Variants in EPHX2 observed in about 807,000 individuals in gnomAD.
The protein encoded by EPHX2 is bifunctional epoxide hydrolase 2.
Under a neutral mutation model 78.7 loss-of-function variants are expected in EPHX2, and 74 were observed. The observed-to-expected ratio is 0.94, with a 90% CI of 0.78 to 1.14. The LOEUF (loss-of-function observed/expected upper bound fraction) is 1.14, where lower values mean the gene tolerates loss of function less well. EPHX2 is among the 50% of genes most tolerant of loss of function. The pLI is 0.00. For synonymous variants in EPHX2, 251 were observed against 255.2 expected (o/e 0.98, Z 0.16); for missense variants, 715 against 702.5 (o/e 1.02, Z -0.20).
At chr8:27,517,245 T>C (rs532163789) in intron 8 of EPHX2, among the ~76,000 whole-genome samples, 60 of 152,320 alleles carry the variant, frequency 3.9e-4, no homozygotes, top group African/African-American at 3.6e-4. Flanking sequence ...TGTTAAAATA[T>C]TGTTATTGTT....
chr8:27,544,038 A>G (rs1815502144), intron 17 of EPHX2, 148 bp from the exon 18 acceptor site: 4 of 1,063,300 alleles, frequency 3.8e-6, no homozygotes, highest in Admixed American at 3.9e-5. Context: ...GGTCTCATTC[A>G]TTCATTATTC....
In EPHX2 at chr8:27,543,324, A is replaced by C. The variant is rs191998242; in HGVS notation, c.1450-425A>C. ...CCTCCCTGTGTTCAACTCATTTGCC[A>C]GCAATTGGAAGTTACTTTGCTGCCA... On this transcript the variant is annotated intron_variant, in intron 16 of 18. Transcript: ENST00000521400. Among the ~76,000 whole-genome samples, 9 of 152,266 alleles carry C rather than the reference A, an allele frequency of 5.9e-5. No individual in the cohort carries two copies. The East Asian group carries it at 1.7e-3, about 29-fold the overall frequency.
chr8:27,505,935 T>A (rs1410732336), intron 4 of EPHX2, among the ~76,000 whole-genome samples: 1 of 152,214 alleles, frequency 6.6e-6, no homozygotes. Context: ...CACCCATGCT[T>A]TCTATGACTT....
In EPHX2 at chr8:27,504,954, A is replaced by G. The variant is rs1813940268; in HGVS notation, c.347-2A>G. 2.5e-6 allele frequency: 4 copies of G among 1,613,790 alleles called. No homozygotes were observed. The highest frequency in any genetic ancestry group is 3.4e-6 in the Non-Finnish European group (4 of 1,180,022). ...TCTATCTACTGGTGGCTTTTTGCTC[A>G]GGATTCACTACTGCCATCCTCACCA... On this transcript the variant is annotated splice_acceptor_variant, in intron 3 of 18. Coordinates refer to ENST00000521400, the MANE Select transcript of EPHX2 (RefSeq NM_001979.6). LOFTEE classifies it high-confidence loss of function.
chr8:27,522,355 G>A (rs2132759161), intron 10 of EPHX2, 68 bp from the exon 11 acceptor site: 3 of 1,527,536 alleles, frequency 2.0e-6, no homozygotes, highest in Admixed American at 1.7e-5. Context: ...CTGGCTGATG[G>A]CCGAACCTCT....
At chr8:27,525,802 G>A (rs985278945) in intron 12 of EPHX2, among the ~76,000 whole-genome samples, 1 of 152,140 alleles carries the variant, frequency 6.6e-6, no homozygotes, top group Non-Finnish European at 1.5e-5. Context: ...CTGAAAGGCT[G>A]GTGATTATGG....
intron 2 of EPHX2, among the ~76,000 whole-genome samples, chr8:27,502,518 A>G (rs1404482614): frequency 6.6e-6 from 1 of 152,254 alleles, no homozygotes; most frequent in Non-Finnish European, 1.5e-5. Flanking sequence ...GACTGAAACA[A>G]CAGACATTTA....
At chr8:27,507,135 C>T (rs1257995979) in intron 5 of EPHX2, 141 bp downstream of exon 5, 2 of 1,061,266 alleles carry the variant, frequency 1.9e-6, no homozygotes, top group Non-Finnish European at 2.7e-6. Context: ...GTCCATCACC[C>T]ACTGTGCAGT....
Position 27,541,460 on chromosome 8 carries a change from G to A in EPHX2, c.1380-13G>A, listed in dbSNP as rs749057363. On this transcript the variant is annotated splice_polypyrimidine_tract_variant and intron_variant, in intron 15 of 18. Transcript: ENST00000521400. The stretch of plus-strand genomic sequence containing the variant: ...TACTGCCTCCCTCTTTTTACTTTCT[G>A]ATCTCTCCCCAGAGGTCCTCTAAAC... 1.2e-4 allele frequency: 195 copies of A among 1,613,970 alleles called. 2 individuals carry two copies. In the South Asian group the frequency reaches 2.1e-3, roughly 17 times the overall value.
In EPHX2 at chr8:27,525,105, T is replaced by TGC. The variant is rs1345689668; in HGVS notation, c.1059-256_1059-255insCG. ...GTGTGTGTGTGTGTGTGTGTGTGTG[T>TGC]GTGCGCGCGCGCGCGCGCACCTATG... On this transcript the variant is annotated intron_variant, in intron 11 of 18. Coordinates refer to ENST00000521400, the MANE Select transcript of EPHX2 (RefSeq NM_001979.6). Among the ~76,000 whole-genome samples, 1,189 of 127,494 alleles carry TGC rather than the reference T, an allele frequency of 9.3e-3. 5 individuals are homozygous for TGC. The highest frequency in any genetic ancestry group is 0.013 in the Non-Finnish European group (793 of 60,646). 83.6% of individuals were successfully genotyped at this position (127,494 alleles called of 152,430 possible). A position where few individuals can be genotyped will look rare whatever the true frequency, so the allele number is the denominator to read the frequency against.
At chr8:27,507,707 G>C (rs1266251279) in intron 5 of EPHX2, among the ~76,000 whole-genome samples, 1 of 152,190 alleles carries the variant, frequency 6.6e-6, no homozygotes, top group Non-Finnish European at 1.5e-5. Context: ...CCATAACAAA[G>C]TACTACAGGC....
chr8:27,517,409 C>T (rs180861043), intron 8 of EPHX2, among the ~76,000 whole-genome samples: 3 of 152,146 alleles, frequency 2.0e-5, no homozygotes, highest in South Asian at 2.1e-4. Flanking sequence ...TATGGACCCA[C>T]AAAAGACTGC....
chr8:27,501,060 G>C, intron 2 of EPHX2, 50 bp downstream of exon 2: 2 of 1,528,246 alleles, frequency 1.3e-6, no homozygotes, highest in East Asian at 2.3e-5. Context: ...TTCTCTGCCT[G>C]TGTGCCCATC....
chr8:27,543,808 G>GTCCCA lies in EPHX2; in HGVS notation c.1510_1514dup (p.Gln505HisfsTer12). 1 of 1,614,138 alleles carries GTCCCA rather than the reference G, an allele frequency of 6.2e-7. No homozygotes were observed. Among genetic ancestry groups the GTCCCA allele is most frequent in the Non-Finnish European group, 8.5e-7 (1 of 1,180,008 alleles). On this transcript the variant is annotated frameshift_variant, in exon 17 of 19. Transcript: ENST00000521400. LOFTEE classifies it high-confidence loss of function. ...AGGACTTCGTGCTCGTTCCTCAGATGTCCCAGCACATGGAGGACTGGGTGA... is the reference window on the plus strand; with the variant it reads ...AGGACTTCGTGCTCGTTCCTCAGATGTCCCATCCCAGCACATGGAGGACTGGGTGA...
At chr8:27,512,069 G>C (rs1585197923) in intron 6 of EPHX2, 159 bp downstream of exon 6, 1 of 533,704 alleles carries the variant, frequency 1.9e-6, no homozygotes, top group Non-Finnish European at 3.3e-6. Flanking sequence ...CTGTGCTCCA[G>C]CCTGGGCAAC....
chr8:27,494,940 G>C (rs1245685929), intron 1 of EPHX2, among the ~76,000 whole-genome samples: 1 of 152,236 alleles, frequency 6.6e-6, no homozygotes, highest in Non-Finnish European at 1.5e-5. Flanking sequence ...ATCTCTTGGA[G>C]AGGGTTGTTC....
At chr8:27,544,305 A>T (rs1035928582) in intron 18 of EPHX2, 61 bp downstream of exon 18, 20 of 1,605,930 alleles carry the variant, frequency 1.2e-5, no homozygotes, top group Non-Finnish European at 1.6e-5. Context: ...ACCTTCCATA[A>T]AAGCTTTCCT....
chr8:27,520,992 G>C, intron 10 of EPHX2, 83 bp downstream of exon 10: 1 of 1,575,390 alleles, frequency 6.3e-7, no homozygotes, highest in Non-Finnish European at 8.7e-7. Flanking sequence ...GCCTCGAGCA[G>C]AGGTGCACGG....
chr8:27,544,670 A>G lies in EPHX2; in HGVS notation c.*148A>G, dbSNP rs112744942. 4 of 747,776 alleles carry G rather than the reference A, an allele frequency of 5.3e-6. No homozygotes were observed. Among genetic ancestry groups the G allele is most frequent in the African/African-American group, 3.5e-5 (2 of 56,354 alleles). 46.3% of individuals were successfully genotyped at this position (747,776 alleles called of 1,614,324 possible). A position where few individuals can be genotyped will look rare whatever the true frequency, so the allele number is the denominator to read the frequency against. The stretch of plus-strand genomic sequence containing the variant: ...TTTGCAGAAAAAAAAGATTTTCTTT[A>G]CATAAAGTGAATCAAATTTGACATT... On this transcript the variant is annotated 3_prime_UTR_variant, in exon 19 of 19. Transcript: ENST00000521400.
Sources: gnomAD v4.1 joint callset for allele counts (sites outside exome capture counted in the v4.1 genomes callset) on GRCh38, gnomAD v4.1.1 for gene constraint, MANE v1.5 for transcripts, NCBI Gene and HGNC (gene_info 2026-07-23, HGNC 2026-07-21) for gene names.